Variants in ADA observed in about 807,000 individuals in gnomAD.
ADA encodes adenosine aminohydrolase.
A neutral mutation model predicts 49.0 loss-of-function variants in ADA; 45 were observed. That is an observed-to-expected ratio of 0.92 (90% CI 0.72 to 1.18). The LOEUF (loss-of-function observed/expected upper bound fraction) is 1.18, where lower values mean the gene tolerates loss of function less well. ADA is among the 50% of genes most tolerant of loss of function. The probability of loss-of-function intolerance (pLI) is 0.00; values close to 1 mark genes in which losing one functional copy is unlikely to be tolerated. For synonymous variants in ADA, 173 were observed against 184.2 expected, an observed-to-expected ratio of 0.94 and a Z score of 0.49; for missense variants, 445 against 472.5, an observed-to-expected ratio of 0.94 and a Z score of 0.54.
In ADA at chr20:44,627,397, G is replaced by A. The variant is rs200472790; in HGVS notation, c.219-798C>T. On this transcript the variant is annotated intron_variant, in intron 3 of 11. Coordinates refer to ENST00000372874, the MANE Select transcript of ADA (RefSeq NM_000022.4). ...AGCGTTTCGCTGTGTTAGCCAGGAT[G>A]GTCTCGATCTCCTGACCTCATGATC... Among the ~76,000 whole-genome samples, 4 of 152,222 alleles carry A rather than the reference G, an allele frequency of 2.6e-5. No individual in the cohort carries two copies. In the South Asian group the frequency reaches 6.2e-4, roughly 24 times the overall value.
At chr20:44,620,466 T>C (rs1047121584) in intron 10 of ADA, 65 bp from the exon 11 acceptor site, 16 of 1,338,274 alleles carry the variant, frequency 1.2e-5, no homozygotes, top group Non-Finnish European at 1.7e-5. Flanking sequence ...CTTAGCAATG[T>C]AGTGATAGTC....
intron 1 of ADA, among the ~76,000 whole-genome samples, chr20:44,650,490 C>A (rs1425718150): frequency 6.6e-6 from 1 of 152,122 alleles, no homozygotes; most frequent in Admixed American, 6.5e-5. Flanking sequence ...TGCAGTGGCA[C>A]CATCACACCT....
intron 4 of ADA, chr20:44,626,190 T>A: frequency 1.8e-6 from 1 of 561,860 alleles, no homozygotes. Context: ...CTAAGCAGGT[T>A]AACATTCCTG....
chr20:44,623,761 T>C (rs1249670904), intron 6 of ADA, among the ~76,000 whole-genome samples: 5 of 150,976 alleles, frequency 3.3e-5, no homozygotes, highest in Non-Finnish European at 7.4e-5. Flanking sequence ...CTTTTTTTTT[T>C]TTTTGAGACA....
At chr20:44,644,799 C>T (rs2065573456) in intron 1 of ADA, among the ~76,000 whole-genome samples, 1 of 152,208 alleles carries the variant, frequency 6.6e-6, no homozygotes, top group African/African-American at 2.4e-5. Context: ...CTGAGCAGTC[C>T]CCACAGTGTC....
intron 1 of ADA, among the ~76,000 whole-genome samples, chr20:44,641,789 A>C (rs550151943): frequency 6.7e-6 from 1 of 148,312 alleles, no homozygotes; most frequent in African/African-American, 2.5e-5. Flanking sequence ...TTTTTTTGAG[A>C]TGGAGTCTGG....
At chr20:44,644,942 C>A (rs924085353) in intron 1 of ADA, among the ~76,000 whole-genome samples, 3 of 152,222 alleles carry the variant, frequency 2.0e-5, no homozygotes, top group Non-Finnish European at 2.9e-5. Flanking sequence ...TTAAAGGCAA[C>A]AAGACTGAGG....
At chr20:44,645,813 A>G (rs924368308) in intron 1 of ADA, among the ~76,000 whole-genome samples, 1 of 152,156 alleles carries the variant, frequency 6.6e-6, no homozygotes, top group Non-Finnish European at 1.5e-5. Context: ...TCTAGCTGGA[A>G]AGTGGGAAAT....
chr20:44,619,707 G>T lies in ADA; in HGVS notation c.*127C>A. On this transcript the variant is annotated 3_prime_UTR_variant, in exon 12 of 12. Transcript: ENST00000372874. ...GTGTGTGCAGAAATGGACACATAGGGTTCAGGAGCATCAGTAACTGACTAT... is the reference window on the plus strand; with the variant it reads ...GTGTGTGCAGAAATGGACACATAGGTTTCAGGAGCATCAGTAACTGACTAT... 1 of 1,276,376 alleles carries T rather than the reference G, an allele frequency of 7.8e-7. No individual in the cohort carries two copies. Among genetic ancestry groups the T allele is most frequent in the Non-Finnish European group, 1.1e-6 (1 of 877,552 alleles). 79.1% of individuals were successfully genotyped at this position (1,276,376 alleles called of 1,614,324 possible).
chr20:44,647,627 A>G (rs2065604656), intron 1 of ADA, among the ~76,000 whole-genome samples: 1 of 151,784 alleles, frequency 6.6e-6, no homozygotes, highest in South Asian at 2.1e-4. Context: ...CCGTGAGATA[A>G]AAGTTACTAG....
chr20:44,631,565 C>G (rs2065433349), intron 2 of ADA, among the ~76,000 whole-genome samples: 1 of 152,170 alleles, frequency 6.6e-6, no homozygotes, highest in South Asian at 2.1e-4. Context: ...CCCATATTGC[C>G]AAACCCAGTG....
intron 5 of ADA, among the ~76,000 whole-genome samples, chr20:44,625,331 T>C (rs2065371732): frequency 6.6e-6 from 1 of 152,108 alleles, no homozygotes; most frequent in Non-Finnish European, 1.5e-5. Flanking sequence ...GGTGTTGAGC[T>C]TCCTGCAGGG....
intron 1 of ADA, among the ~76,000 whole-genome samples, chr20:44,648,599 C>T (rs1280066451): frequency 3.9e-5 from 6 of 151,984 alleles, no homozygotes; most frequent in Admixed American, 6.6e-5. Flanking sequence ...CTCAGTCTGC[C>T]GCCACTGGAC....
chr20:44,633,606 G>T (rs895321271), intron 2 of ADA, among the ~76,000 whole-genome samples: 10 of 152,210 alleles, frequency 6.6e-5, no homozygotes, highest in Non-Finnish European at 1.2e-4. Flanking sequence ...AGAGAGGAAG[G>T]CCAGAGTAGA....
At chr20:44,619,962 A>G in intron 11 of ADA, 115 bp from the exon 12 acceptor site, 1 of 1,376,984 alleles carries the variant, frequency 7.3e-7, no homozygotes, top group East Asian at 2.4e-5. Flanking sequence ...TGGCAAGAAG[A>G]TGCCTTGCCA....
At chr20:44,633,515 G>A (rs2065452046) in intron 2 of ADA, among the ~76,000 whole-genome samples, 1 of 152,188 alleles carries the variant, frequency 6.6e-6, no homozygotes, top group Admixed American at 6.5e-5. Flanking sequence ...TTGACTCTGA[G>A]TGAGATGGGG....
intron 1 of ADA, among the ~76,000 whole-genome samples, chr20:44,644,721 C>T (rs760108234): frequency 1.3e-5 from 2 of 152,234 alleles, no homozygotes; most frequent in Non-Finnish European, 2.9e-5. Flanking sequence ...GCTCCACTTC[C>T]TCCAGGAAGC....
chr20:44,645,785 A>C (rs1188086415), intron 1 of ADA, among the ~76,000 whole-genome samples: 5 of 152,140 alleles, frequency 3.3e-5, no homozygotes, highest in African/African-American at 1.2e-4. Context: ...GTGAAGTTAA[A>C]TGACTCATTC....
intron 3 of ADA, among the ~76,000 whole-genome samples, chr20:44,628,221 G>C (rs1023463293): frequency 6.6e-6 from 1 of 152,186 alleles, no homozygotes; most frequent in Admixed American, 6.5e-5. Context: ...AGAAGTTCTT[G>C]CATCTTCAGG....
Sources: gnomAD v4.1 joint callset for allele counts (sites outside exome capture counted in the v4.1 genomes callset) on GRCh38, gnomAD v4.1.1 for gene constraint, MANE v1.5 for transcripts, NCBI Gene and HGNC (gene_info 2026-07-23, HGNC 2026-07-21) for gene names.